Variants in MEMO1 observed in about 807,000 individuals in gnomAD.
MEMO1 encodes the protein protein MEMO1.
In MEMO1, 6 loss-of-function variants were observed where a neutral mutation model predicts 45.2. The ratio of observed to expected loss-of-function variants is 0.13; its 90% CI spans 0.07 to 0.26. The LOEUF is 0.26. MEMO1 is among the 10% of genes least tolerant of loss of function. The pLI is 1.00. For missense variants in MEMO1, 184 were observed against 370.5 expected (o/e 0.50, Z 4.13); for synonymous variants, 78 against 124.3 (o/e 0.63, Z 2.48).
intron 3 of MEMO1, among the ~76,000 whole-genome samples, chr2:31,933,800 A>G (rs1338590237): frequency 6.6e-6 from 1 of 152,178 alleles, no homozygotes; most frequent in Non-Finnish European, 1.5e-5. Context: ...AGTTGCCTCA[A>G]AACAGCAATA....
chr2:31,875,416 G>T (rs531224957), intron 8 of MEMO1, among the ~76,000 whole-genome samples: 47 of 152,144 alleles, frequency 3.1e-4, no homozygotes, highest in Admixed American at 2.0e-4. Context: ...GTAATGATAA[G>T]GTTAATGATT....
At chr2:32,005,308 ACT>A (rs1673923581) in intron 2 of MEMO1, among the ~76,000 whole-genome samples, 1 of 128,774 alleles carries the variant, frequency 7.8e-6, no homozygotes, top group East Asian at 2.2e-4. Flanking sequence ...TGACAGAGAG[ACT>A]CTGTCACCAA....
chr2:31,916,230 G>GGTTT (rs551843679), intron 6 of MEMO1, among the ~76,000 whole-genome samples: 1 of 151,406 alleles, frequency 6.6e-6, no homozygotes, highest in Non-Finnish European at 1.5e-5. Flanking sequence ...TTGTTTTTTG[G>GGTTT]GTTTGTTTGT....
intron 6 of MEMO1, among the ~76,000 whole-genome samples, chr2:31,911,574 G>A (rs1680575376): frequency 6.6e-6 from 1 of 152,162 alleles, no homozygotes; most frequent in African/African-American, 2.4e-5. Flanking sequence ...TGTAACAAAT[G>A]TACCATACTA....
rs1447900526 is a variant in MEMO1 at position 32,002,178 on chromosome 2, T to C, written c.61+8009A>G. Among the ~76,000 whole-genome samples the C allele has an allele frequency of 4.4e-4, 56 of 127,794 alleles. 3 individuals are homozygous for C. In the South Asian group the frequency reaches 0.014, roughly 32 times the overall value. The allele number at this position is 127,794 out of a possible 152,430, so 83.8% of individuals were successfully genotyped here. A position where few individuals can be genotyped will look rare whatever the true frequency, so the allele number is the denominator to read the frequency against. On this transcript the variant is annotated intron_variant, in intron 2 of 9. Transcript: ENST00000404530. ...AAAAAAAAAAAAAAAAATATATATA[T>C]ATATATATACACACACACACACACA... is the stretch of plus-strand genomic sequence containing the variant.
At chr2:31,920,693 A>G in intron 5 of MEMO1, 105 bp downstream of exon 5, 1 of 554,374 alleles carries the variant, frequency 1.8e-6, no homozygotes, top group Non-Finnish European at 2.8e-6. Flanking sequence ...TTTATTTTAA[A>G]TATTGAGATA....
At chr2:31,912,429 C>T (rs1346084519) in intron 6 of MEMO1, among the ~76,000 whole-genome samples, 1 of 151,324 alleles carries the variant, frequency 6.6e-6, no homozygotes, top group Non-Finnish European at 1.5e-5. Flanking sequence ...AGGAGAATCA[C>T]CTGAACCCAG....
Position 31,956,882 on chromosome 2 carries a change from G to A in MEMO1, c.62-13499C>T, listed in dbSNP as rs141943789. 6.0e-3 allele frequency among the ~76,000 whole-genome samples: 919 copies of A among 152,238 alleles called. 12 individuals carry two copies. The highest frequency in any genetic ancestry group is 0.021 in the African/African-American group (857 of 41,538). On this transcript the variant is annotated intron_variant, in intron 2 of 9. Coordinates refer to ENST00000404530, the MANE Select transcript of MEMO1 (RefSeq NM_001301833.4). The stretch of plus-strand genomic sequence containing the variant: ...GTGTAGGCCAGACACAGTGGCTCAC[G>A]CCTCTAATCCCAGCACTTTGGGAGG...
intron 2 of MEMO1, among the ~76,000 whole-genome samples, chr2:31,951,477 T>C (rs989325006): frequency 6.6e-6 from 1 of 151,926 alleles, no homozygotes; most frequent in African/African-American, 2.4e-5. Flanking sequence ...ATGAAAAGTG[T>C]TTCCGAGAAG....
intron 2 of MEMO1, among the ~76,000 whole-genome samples, chr2:31,945,422 G>A (rs893613028): frequency 1.3e-5 from 2 of 152,134 alleles, no homozygotes; most frequent in Non-Finnish European, 2.9e-5. Flanking sequence ...CTTGACTACA[G>A]CATTGCTAAC....
At chr2:31,983,860 G>A (rs1313230878) in intron 2 of MEMO1, among the ~76,000 whole-genome samples, 1 of 152,246 alleles carries the variant, frequency 6.6e-6, no homozygotes, top group Non-Finnish European at 1.5e-5. Context: ...GAAAGCAAGA[G>A]AGTGCTTAAA....
At chr2:32,002,452 A>T (rs1229267632) in intron 2 of MEMO1, among the ~76,000 whole-genome samples, 1 of 150,626 alleles carries the variant, frequency 6.6e-6, no homozygotes, top group Non-Finnish European at 1.5e-5. Flanking sequence ...ATATACATAT[A>T]TGAGTTAAAT....
intron 8 of MEMO1, among the ~76,000 whole-genome samples, 157 bp downstream of exon 8, chr2:31,883,229 A>C (rs1675677095): frequency 1.3e-5 from 2 of 152,288 alleles, no homozygotes; most frequent in South Asian, 4.1e-4. Flanking sequence ...AATAGGGATT[A>C]TTCTTATAGT....
At chr2:31,925,698 T>TG (rs1682996562) in intron 4 of MEMO1, among the ~76,000 whole-genome samples, 1 of 152,128 alleles carries the variant, frequency 6.6e-6, no homozygotes, top group African/African-American at 2.4e-5. Context: ...TTTGCACTTA[T>TG]GGTGCAAAGG....
At chr2:31,972,573 T>C (rs1669537085) in intron 2 of MEMO1, among the ~76,000 whole-genome samples, 1 of 152,020 alleles carries the variant, frequency 6.6e-6, no homozygotes, top group Admixed American at 6.6e-5. Flanking sequence ...TAGCCAGGCA[T>C]AGTAGTGTGC....
intron 4 of MEMO1, among the ~76,000 whole-genome samples, chr2:31,923,363 T>C (rs1423345645): frequency 6.6e-6 from 1 of 152,144 alleles, no homozygotes; most frequent in Non-Finnish European, 1.5e-5. Flanking sequence ...ACAGAATCTT[T>C]CTACCTCTCT....
chr2:31,924,686 T>C (rs1270812645), intron 4 of MEMO1, among the ~76,000 whole-genome samples: 1 of 152,146 alleles, frequency 6.6e-6, no homozygotes, highest in Non-Finnish European at 1.5e-5. Context: ...TCACAGGAAG[T>C]GAAGACATTT....
chr2:31,939,562 C>G (rs1665367014), intron 3 of MEMO1, among the ~76,000 whole-genome samples: 1 of 152,138 alleles, frequency 6.6e-6, no homozygotes, highest in Non-Finnish European at 1.5e-5. Context: ...AAATTTAGAA[C>G]AAGTTTTAAC....
chr2:31,983,752 A>G (rs1670939952), intron 2 of MEMO1, among the ~76,000 whole-genome samples: 1 of 152,208 alleles, frequency 6.6e-6, no homozygotes, highest in South Asian at 2.1e-4. Flanking sequence ...TTGTTTCTAA[A>G]TATCATTTCC....
Sources: gnomAD v4.1 joint callset for allele counts (sites outside exome capture counted in the v4.1 genomes callset) on GRCh38, gnomAD v4.1.1 for gene constraint, MANE v1.5 for transcripts, NCBI Gene and HGNC (gene_info 2026-07-23, HGNC 2026-07-21) for gene names.